PWWP2A: variants seen among roughly 807,000 people sequenced by gnomAD.
PWWP2A encodes PWWP domain-containing protein 2A.
A neutral mutation model predicts 48.5 loss-of-function variants in PWWP2A; 18 were observed. That is an observed-to-expected ratio of 0.37 (90% CI 0.26 to 0.55). The LOEUF is 0.55. PWWP2A is among the 20% of genes least tolerant of loss of function. PWWP2A has a pLI of 0.81. For missense variants in PWWP2A, 867 were observed against 976.4 expected (o/e 0.89, Z 1.49); for synonymous variants, 396 against 387.7 (o/e 1.02, Z -0.25).
intron 2 of PWWP2A, among the ~76,000 whole-genome samples, chr5:160,070,081 C>T (rs367758808): frequency 2.6e-5 from 4 of 152,186 alleles, no homozygotes; most frequent in South Asian, 2.1e-4. Flanking sequence ...ATATGGTGGT[C>T]TTTCTGTGTA....
chr5:160,078,063 A>T lies in PWWP2A; in HGVS notation c.*92T>A. 1 of 1,088,544 alleles carries T rather than the reference A, an allele frequency of 9.2e-7. No individual in the cohort carries two copies. The highest frequency in any genetic ancestry group is 1.4e-6 in the Non-Finnish European group (1 of 728,486). 67.4% of individuals were successfully genotyped at this position (1,088,544 alleles called of 1,614,324 possible). On this transcript the variant is annotated 3_prime_UTR_variant, in exon 4 of 4. Coordinates refer to the PWWP2A transcript ENST00000456329. This position sits in a 1 kb window ranked among gnomAD's most constrained non-coding sequence, Gnocchi z 4.2. ...ACCACTGCCTTAACATTTACTTCTT[A>T]GTGCAGCTTTAAAAACTCCAATTTC...
chr5:160,103,180 AAG>A (rs1286946103), intron 1 of PWWP2A, among the ~76,000 whole-genome samples: 2 of 152,222 alleles, frequency 1.3e-5, no homozygotes, highest in Non-Finnish European at 2.9e-5. Context: ...TGACTCTAGA[AAG>A]AGTTTCCAAG....
chr5:160,115,062 G>A (rs200504740), intron 1 of PWWP2A, among the ~76,000 whole-genome samples: 10 of 147,940 alleles, frequency 6.8e-5, no homozygotes, highest in East Asian at 4.0e-4. Flanking sequence ...ACTTGAACCC[G>A]GTGGGGCGCA....
In PWWP2A at chr5:160,092,218, A is replaced by G; in HGVS notation, c.*164T>C. On this transcript the variant is annotated 3_prime_UTR_variant, in exon 2 of 2. Transcript: ENST00000307063. The stretch of plus-strand genomic sequence containing the variant: ...AAAATTTGATTATATGTTCAGTTTA[A>G]GCTCTCAGTCTAAAAATGGCTATAA... 7.3e-7 allele frequency: 1 copy of G among 1,367,956 alleles called. No homozygotes were observed. Among genetic ancestry groups the G allele is most frequent in the Non-Finnish European group, 9.4e-7 (1 of 1,063,340 alleles). The allele number at this position is 1,367,956 out of a possible 1,614,324, so 84.7% of individuals were successfully genotyped here.
At chr5:160,089,496 C>A (rs1257611032), downstream of PWWP2A, 1 of 1,248,380 alleles carries the variant, frequency 8.0e-7, no homozygotes. Flanking sequence ...ATGGGAATGA[C>A]CCACCGCACC....
downstream of PWWP2A, among the ~76,000 whole-genome samples, chr5:160,059,251 A>G (rs1757631819): frequency 6.6e-6 from 1 of 152,252 alleles, no homozygotes; most frequent in Non-Finnish European, 1.5e-5. Flanking sequence ...GATCTTAGCT[A>G]GATCTTCTGA....
At chr5:160,101,373 A>T (rs1017772301) in intron 1 of PWWP2A, among the ~76,000 whole-genome samples, 3 of 152,228 alleles carry the variant, frequency 2.0e-5, no homozygotes, top group Non-Finnish European at 2.9e-5. Context: ...ATCATGGCAC[A>T]TGCTACAACA....
chr5:160,104,096 C>G (rs1000020090), intron 1 of PWWP2A, among the ~76,000 whole-genome samples: 3 of 117,708 alleles, frequency 2.5e-5, no homozygotes, highest in African/African-American at 9.9e-5. Context: ...GCACTCCAGC[C>G]TGGGCAACAG....
intron 1 of PWWP2A, among the ~76,000 whole-genome samples, chr5:160,104,122 C>CAAAAAAAAAAAAAAAAAAAAAAA (rs70990703): frequency 4.9e-5 from 3 of 61,760 alleles, no homozygotes; most frequent in Admixed American, 2.3e-4. Flanking sequence ...GACTCTGTCT[C>CAAAAAAAAAAAAAAAAAAAAAAA]AAAAAAAAAA....
Position 160,091,985 on chromosome 5 carries a change from T to G in PWWP2A, c.*397A>C. 1.4e-6 allele frequency: 1 copy of G among 697,554 alleles called. No individual in the cohort carries two copies. The highest frequency in any genetic ancestry group is 1.7e-6 in the Non-Finnish European group (1 of 576,320). 43.2% of individuals were successfully genotyped at this position (697,554 alleles called of 1,614,324 possible). ...ATATATATATATGTGTATATATACA[T>G]ATATATGTGTGTATATATACATACA... On this transcript the variant is annotated 3_prime_UTR_variant, in exon 2 of 2. Coordinates refer to ENST00000307063, the MANE Select transcript of PWWP2A (RefSeq NM_001130864.2).
At position 160,093,666 on chromosome 5, in the gene PWWP2A, ACT is replaced by A; in HGVS notation, c.982_983del (p.Ser328CysfsTer4). 1 of 1,613,820 alleles carries A rather than the reference ACT, an allele frequency of 6.2e-7. No individual in the cohort carries two copies. Among genetic ancestry groups the A allele is most frequent in the Non-Finnish European group, 8.5e-7 (1 of 1,179,874 alleles). On this transcript the variant is annotated frameshift_variant, in exon 2 of 2. Transcript: ENST00000307063. LOFTEE classifies it high-confidence loss of function. This position sits in a 1 kb window ranked among gnomAD's most constrained non-coding sequence, Gnocchi z 5.8. Reference sequence around the variant, plus strand: ...TAATTTCCTTTTTTTCAGCAACAACACTGTTTTTACATTTATCACACAGAACT... The same window carrying A: ...TAATTTCCTTTTTTTCAGCAACAACAGTTTTTACATTTATCACACAGAACT... ...RQVLCDKCKN[S>X]VVAEKKEIRK...
At chr5:160,059,805 A>G (rs1272177288), downstream of PWWP2A, among the ~76,000 whole-genome samples, 2 of 152,230 alleles carry the variant, frequency 1.3e-5, no homozygotes, top group Non-Finnish European at 2.9e-5. Flanking sequence ...CATAACAGGT[A>G]TAAGAATAGT....
downstream of PWWP2A, among the ~76,000 whole-genome samples, chr5:160,072,724 G>A (rs557877241): frequency 4.7e-5 from 7 of 148,864 alleles, no homozygotes; most frequent in East Asian, 6.1e-4. Context: ...GCGAGACTCC[G>A]TCTCATAAAT....
downstream of PWWP2A, among the ~76,000 whole-genome samples, chr5:160,061,140 A>G (rs1753376833): frequency 6.6e-6 from 1 of 152,188 alleles, no homozygotes; most frequent in South Asian, 2.1e-4. Context: ...CTTCAGCCCC[A>G]TTGGACACAC....
intron 1 of PWWP2A, among the ~76,000 whole-genome samples, chr5:160,109,039 A>G (rs1203360872): frequency 6.6e-6 from 1 of 152,170 alleles, no homozygotes; most frequent in Non-Finnish European, 1.5e-5. Flanking sequence ...GCTGGAGTGC[A>G]GTGGCACAAT....
chr5:160,105,649 T>A, intron 1 of PWWP2A: 2 of 975,754 alleles, frequency 2.0e-6, no homozygotes, highest in Non-Finnish European at 2.4e-6. Context: ...ACTATAACAA[T>A]TTCCTCATAA....
chr5:160,109,768 AAAAAAAATATATAT>A (rs1240555101), intron 1 of PWWP2A, among the ~76,000 whole-genome samples: 5 of 52,788 alleles, frequency 9.5e-5, no homozygotes, highest in Non-Finnish European at 1.5e-4. Flanking sequence ...AAAAAAAAAA[AAAAAAAATATATAT>A]ATATATATAT....
intron 1 of PWWP2A, among the ~76,000 whole-genome samples, chr5:160,111,479 T>C (rs1354269848): frequency 1.3e-5 from 2 of 151,396 alleles, no homozygotes; most frequent in Non-Finnish European, 2.9e-5. Context: ...TTTTTTTTTT[T>C]CTTAACTCGC....
intron 1 of PWWP2A, among the ~76,000 whole-genome samples, chr5:160,098,726 A>G (rs1293258120): frequency 6.6e-6 from 1 of 152,232 alleles, no homozygotes; most frequent in Non-Finnish European, 1.5e-5. Flanking sequence ...ATAAGAATAT[A>G]AAGTAGAAAC....
Sources: allele counts gnomAD v4.1 joint callset (sites outside exome capture counted in the v4.1 genomes callset), GRCh38; gene constraint gnomAD v4.1.1; non-coding constraint Gnocchi (gnomAD v3.1); transcripts MANE v1.5; gene names NCBI Gene and HGNC (gene_info 2026-07-23, HGNC 2026-07-21).